The following ABCG2 variants were observed in gnomAD, a reference collection of about 807,000 sequenced individuals.
The protein encoded by ABCG2 is ATP binding cassette subfamily G member 2 (JR blood group).
In ABCG2, 80 loss-of-function variants were observed where a neutral mutation model predicts 73.5. That is an observed-to-expected ratio of 1.09 (90% CI 0.91 to 1.31). The LOEUF (loss-of-function observed/expected upper bound fraction) is 1.31, where lower values mean the gene tolerates loss of function less well. Among genes scored for constraint, ABCG2 ranks in the 50% most tolerant of loss-of-function variants. The pLI is 0.00. For synonymous variants in ABCG2, 269 were observed against 282.4 expected (o/e 0.95, Z 0.48); for missense variants, 796 against 786.2 (o/e 1.01, Z -0.15).
intron 1 of ABCG2, among the ~76,000 whole-genome samples, chr4:88,193,483 A>G (rs1728792605): frequency 6.6e-6 from 1 of 152,162 alleles, no homozygotes; most frequent in African/African-American, 2.4e-5. Context: ...TAGCACCTAA[A>G]GTACTTGCAT....
chr4:88,179,218 G>A (rs1728131776), intron 1 of ABCG2, among the ~76,000 whole-genome samples: 1 of 152,164 alleles, frequency 6.6e-6, no homozygotes, highest in Non-Finnish European at 1.5e-5. Context: ...GACTCCATTT[G>A]TTTGGGAGAA....
chr4:88,131,944 T>A (rs754539864), intron 3 of ABCG2, 27 bp from the exon 4 acceptor site: 1 of 1,529,266 alleles, frequency 6.5e-7, no homozygotes, highest in East Asian at 2.3e-5. Flanking sequence ...ATGTTGTGGG[T>A]CTAATAACCT....
chr4:88,095,333 T>C (rs1251984913), intron 14 of ABCG2, among the ~76,000 whole-genome samples, 187 bp downstream of exon 14: 1 of 152,118 alleles, frequency 6.6e-6, no homozygotes, highest in African/African-American at 2.4e-5. Flanking sequence ...CTGAGGAAAA[T>C]AGCAAATGAC....
At chr4:88,165,408 C>T (rs1373057596) in intron 1 of ABCG2, among the ~76,000 whole-genome samples, 1 of 152,208 alleles carries the variant, frequency 6.6e-6, no homozygotes. Context: ...ACCTGCATTC[C>T]TTGGCTCTTG....
chr4:88,113,591 A>T, intron 8 of ABCG2, 38 bp from the exon 9 acceptor site: 1 of 1,596,556 alleles, frequency 6.3e-7, no homozygotes, highest in Non-Finnish European at 8.5e-7. Flanking sequence ...CACAAACAAG[A>T]TAACAACAAA....
At chr4:88,160,244 GA>G (rs45587736), upstream of ABCG2, among the ~76,000 whole-genome samples, 48 of 139,606 alleles carry the variant, frequency 3.4e-4, 1 homozygote, top group Admixed American at 9.2e-4. Context: ...TCTGTCTCAA[GA>G]AAAAAAAAAA....
intron 1 of ABCG2, among the ~76,000 whole-genome samples, chr4:88,170,899 T>C (rs1490916743): frequency 2.6e-5 from 4 of 152,152 alleles, no homozygotes; most frequent in Non-Finnish European, 4.4e-5. Context: ...GTATATACCA[T>C]GAGGGTGTAA....
chr4:88,151,854 A>G (rs893923329), intron 1 of ABCG2, among the ~76,000 whole-genome samples: 3 of 152,192 alleles, frequency 2.0e-5, no homozygotes, highest in Non-Finnish European at 4.4e-5. Context: ...AAGATATAAA[A>G]GAAGGAGCAT....
intron 1 of ABCG2, among the ~76,000 whole-genome samples, chr4:88,225,304 T>A (rs990134221): frequency 3.5e-4 from 54 of 152,166 alleles, no homozygotes; most frequent in Non-Finnish European, 1.0e-4. Flanking sequence ...TGTGTTCCAA[T>A]AAAACTTATT....
At position 88,191,723 on chromosome 4, in the gene ABCG2, A is replaced by G. The variant is rs896925336; in HGVS notation, c.-20+39271T>C. ...GAAACCTGAATATACCCATCAACTG[A>G]TAAGTGAATAAAGAAAATGTGGTAT... On this transcript the variant is annotated intron_variant, in intron 1 of 15. Coordinates refer to the ABCG2 transcript ENST00000515655. Among the ~76,000 whole-genome samples, 6 of 152,326 alleles carry G rather than the reference A, an allele frequency of 3.9e-5. No individual in the cohort carries two copies. In the South Asian group the frequency reaches 1.2e-3, roughly 32 times the overall value.
chr4:88,120,648 T>G (rs1723906054), intron 6 of ABCG2, among the ~76,000 whole-genome samples: 1 of 152,192 alleles, frequency 6.6e-6, no homozygotes, highest in East Asian at 1.9e-4. Context: ...TTTCTCCCAT[T>G]TGGAACAGGT....
At position 88,130,333 on chromosome 4, in the gene ABCG2, C is replaced by A. The variant is rs1175873104; in HGVS notation, c.531+728G>T. Among the ~76,000 whole-genome samples, 4 of 151,870 alleles carry A rather than the reference C, an allele frequency of 2.6e-5. No homozygotes were observed. In the East Asian group the frequency reaches 7.7e-4, roughly 29 times the overall value. The stretch of plus-strand genomic sequence containing the variant: ...GTACGAGGATCTAAATTGTGTGTTC[C>A]TTATGAGAATCTAATGCCTGATGAT... On this transcript the variant is annotated intron_variant, in intron 5 of 15. Coordinates refer to ENST00000237612, the MANE Select transcript of ABCG2 (RefSeq NM_004827.3).
intron 1 of ABCG2, among the ~76,000 whole-genome samples, chr4:88,226,118 T>C (rs1730202250): frequency 6.6e-6 from 1 of 152,198 alleles, no homozygotes; most frequent in African/African-American, 2.4e-5. Flanking sequence ...ATTATTTCTC[T>C]CTGGGACTAT....
At chr4:88,224,336 G>T (rs574769789) in intron 1 of ABCG2, among the ~76,000 whole-genome samples, 74 of 152,244 alleles carry the variant, frequency 4.9e-4, no homozygotes, top group African/African-American at 1.6e-3. Context: ...TCCTAGGGAG[G>T]CTAAAGTGGG....
chr4:88,188,831 T>A (rs2110105769), intron 1 of ABCG2, among the ~76,000 whole-genome samples: 1 of 151,886 alleles, frequency 6.6e-6, no homozygotes, highest in East Asian at 1.9e-4. Context: ...CTGGGCAACA[T>A]GGCAAAACCA....
chr4:88,215,089 T>TA (rs1432907023), intron 1 of ABCG2, among the ~76,000 whole-genome samples: 3 of 151,992 alleles, frequency 2.0e-5, no homozygotes, highest in African/African-American at 7.3e-5. Flanking sequence ...GAGACAGTCT[T>TA]AAAAAAATTT....
chr4:88,217,860 G>A (rs1210129228), intron 1 of ABCG2, among the ~76,000 whole-genome samples: 1 of 151,678 alleles, frequency 6.6e-6, no homozygotes, highest in Admixed American at 6.6e-5. Context: ...CAACTACTTA[G>A]GAGACTGAAG....
At chr4:88,099,818 A>AT (rs1722270383) in intron 11 of ABCG2, among the ~76,000 whole-genome samples, 1 of 152,086 alleles carries the variant, frequency 6.6e-6, no homozygotes, top group South Asian at 2.1e-4. Flanking sequence ...TCAGTAGCCG[A>AT]TTTTGGCAGG....
intron 1 of ABCG2, among the ~76,000 whole-genome samples, chr4:88,171,105 C>T (rs1422402091): frequency 3.3e-5 from 5 of 151,852 alleles, no homozygotes; most frequent in South Asian, 4.2e-4. Context: ...ACAACAGACA[C>T]GGGTCTACTT....
Sources: allele counts gnomAD v4.1 joint callset (sites outside exome capture counted in the v4.1 genomes callset), GRCh38; gene constraint gnomAD v4.1.1; transcripts MANE v1.5; gene names NCBI Gene and HGNC (gene_info 2026-07-23, HGNC 2026-07-21).